Variants in EGR3 observed in about 807,000 individuals in gnomAD.
EGR3 encodes the protein early growth response 3.
In EGR3, 4 loss-of-function variants were observed where a neutral mutation model predicts 22.4. The observed-to-expected ratio is 0.18, with a 90% CI of 0.09 to 0.41. The LOEUF (loss-of-function observed/expected upper bound fraction) is 0.41, where lower values mean the gene tolerates loss of function less well. EGR3 is among the 10% of genes least tolerant of loss of function. The probability of loss-of-function intolerance (pLI) is 1.00; values close to 1 mark genes in which losing one functional copy is unlikely to be tolerated. For missense variants in EGR3, 315 were observed against 541.3 expected, an observed-to-expected ratio of 0.58 and a Z score of 4.15; for synonymous variants, 219 against 226.8, an observed-to-expected ratio of 0.97 and a Z score of 0.31.
Position 22,692,595 on chromosome 8 carries a change from T to G in EGR3, c.154+196A>C. 1.6e-5 allele frequency: 22 copies of G among 1,386,740 alleles called. No homozygotes were observed. The highest frequency in any genetic ancestry group is 5.5e-5 in the East Asian group (2 of 36,482). 85.9% of individuals were successfully genotyped at this position (1,386,740 alleles called of 1,614,324 possible). A position where few individuals can be genotyped will look rare whatever the true frequency, so the allele number is the denominator to read the frequency against. ...TCTCGATCGAGGAGGGCGGGAGGAG[T>G]GGGTGGGAAAAGCAACTCGCCCCCC... On this transcript the variant is annotated intron_variant, in intron 1 of 1. Coordinates refer to ENST00000317216, the MANE Select transcript of EGR3 (RefSeq NM_004430.3). This position sits in a 1 kb window ranked among gnomAD's most constrained non-coding sequence, Gnocchi z 6.2.
Position 22,691,428 on chromosome 8 carries a change from T to A in EGR3, c.209A>T (p.Tyr70Phe), listed in dbSNP as rs575465744. Residue 70 changes from tyrosine to phenylalanine, a missense_variant, in exon 2 of 2, where the codon TAC (tyrosine) becomes TTC (phenylalanine). By Grantham distance (22) the Tyr-to-Phe change is conservative. This residue lies in a region of EGR3 where 227 missense variants were observed against 303.6 expected (regional missense o/e 0.75). Transcript: ENST00000317216. ...TNEKPNPELS[Y>F]SGSFQPAPGN... ...GGGGGCTGGCTGGAAGGAGCCGGAG[T>A]AAGAGAGTTCCGGGTTGGGCTTCTC... 36 of 1,613,766 alleles carry A rather than the reference T, an allele frequency of 2.2e-5. No individual in the cohort carries two copies. In the South Asian group the frequency reaches 3.5e-4, roughly 16 times the overall value.
Position 22,691,162 on chromosome 8 carries a change from A to G in EGR3, c.475T>C (p.Ser159Pro), listed in dbSNP as rs1436728463. The change falls in exon 2 of 2, where the codon TCT (serine) becomes CCT (proline). Residue 159 changes from serine (S) to proline (P), a missense_variant. Around this residue, in one of 4 missense-constraint regions of EGR3, gnomAD observed 227 missense variants for 303.6 expected, o/e 0.75. Transcript: ENST00000317216. ...NCGDLYSEPV[S>P]FHDPQGNPGL... is the part of the protein sequence containing the mutation. Reference sequence around the variant, plus strand: ...GGATTGCCCTGGGGGTCGTGGAAAGACACGGGCTCTGAGTAGAGGTCGCCG... The same window carrying G: ...GGATTGCCCTGGGGGTCGTGGAAAGGCACGGGCTCTGAGTAGAGGTCGCCG... The G allele has an allele frequency of 6.2e-7, 1 of 1,614,088 alleles. No homozygotes were observed. Among genetic ancestry groups the G allele is most frequent in the African/African-American group, 1.3e-5 (1 of 75,034 alleles).
chr8:22,691,528 C>T, intron 1 of EGR3, 46 bp from the exon 2 acceptor site: 1 of 1,591,948 alleles, frequency 6.3e-7, no homozygotes. Context: ...GAAGCCGATC[C>T]GGCTCCGGGC....
chr8:22,691,947 G>T, intron 1 of EGR3: 1 of 1,242,026 alleles, frequency 8.1e-7, no homozygotes, highest in Non-Finnish European at 1.0e-6. Flanking sequence ...CACGCGCGCT[G>T]CTCCCGGGTC....
rs957719038 is a variant in EGR3, at chr8:22,689,054, T to G, written c.*1419A>C. ...GTATATATGTACACTCACATGTATA[T>G]GTACAGATATGTGTGCATCTATATC... On this transcript the variant is annotated 3_prime_UTR_variant, in exon 2 of 2. Coordinates refer to ENST00000317216, the MANE Select transcript of EGR3 (RefSeq NM_004430.3). The G allele has an allele frequency of 6.5e-6, 1 of 152,674 alleles. No individual in the cohort carries two copies. Among genetic ancestry groups the G allele is most frequent in the African/African-American group, 2.4e-5 (1 of 41,462 alleles). 9.5% of individuals were successfully genotyped at this position (152,674 alleles called of 1,614,324 possible). A position where few individuals can be genotyped will look rare whatever the true frequency, so the allele number is the denominator to read the frequency against.
In EGR3 at chr8:22,691,260, G is replaced by A. The variant is rs1304332386; in HGVS notation, c.377C>T (p.Thr126Met). The change falls in exon 2 of 2, where the codon ACG becomes ATG. Residue 126 changes from threonine (T) to methionine (M), a missense_variant. By Grantham distance (81) the Thr-to-Met change is moderately conservative (BLOSUM62 -1). Around this residue, in one of 4 missense-constraint regions of EGR3, gnomAD observed 227 missense variants for 303.6 expected, o/e 0.75. Transcript: ENST00000317216. Reference sequence around the variant, plus strand: ...CTGCGGTGGCTGCACCATGCTGGCCGTGGACGTCTGCGTGCTGAGCGCCCC... The same window carrying A: ...CTGCGGTGGCTGCACCATGCTGGCCATGGACGTCTGCGTGCTGAGCGCCCC... ...ASGALSTQTS[T>M]ASMVQPPQGD... is the part of the protein sequence containing the mutation. 1 of 1,613,874 alleles carries A rather than the reference G, an allele frequency of 6.2e-7. No individual in the cohort carries two copies. Among genetic ancestry groups the A allele is most frequent in the Non-Finnish European group, 8.5e-7 (1 of 1,180,016 alleles).
Position 22,690,554 on chromosome 8 carries a change from C to A in EGR3, c.1083G>T (p.Lys361Asn). 1 of 1,613,868 alleles carries A rather than the reference C, an allele frequency of 6.2e-7. No individual in the cohort carries two copies. Among genetic ancestry groups the A allele is most frequent in the Non-Finnish European group, 8.5e-7 (1 of 1,179,974 alleles). ...HAKIHLKQKE[K>N]KAEKGGAPSA... ...AGGGTGCACCGCCCTTCTCCGCCTT[C>A]TTCTCCTTTTGCTTGAGGTGGATCT... is the stretch of plus-strand genomic sequence containing the variant. The change falls in exon 2 of 2, where the codon AAG becomes AAT. Residue 361 changes from lysine to asparagine, a missense_variant. Transcript: ENST00000317216.
intron 1 of EGR3, chr8:22,691,714 G>A: frequency 1.0e-6 from 1 of 985,216 alleles, no homozygotes; most frequent in Non-Finnish European, 1.2e-6. Flanking sequence ...TGCACACACA[G>A]CGCACAAGCC....
At position 22,692,315 on chromosome 8, in the gene EGR3, G is replaced by A. The variant is rs1318000197; in HGVS notation, c.154+476C>T. ...GCGTCGCAGTACCTCTCCCACCGCG[G>A]GGACTCCACGCCGCACATGGCTCCA... On this transcript the variant is annotated intron_variant, in intron 1 of 1. Transcript: ENST00000317216. The surrounding 1 kb of genome is among the most constrained non-coding windows in gnomAD (Gnocchi z 6.2). The A allele has an allele frequency of 6.6e-7, 1 of 1,517,940 alleles. No homozygotes were observed. The highest frequency in any genetic ancestry group is 8.8e-7 in the Non-Finnish European group (1 of 1,139,174). 94.0% of individuals were successfully genotyped at this position (1,517,940 alleles called of 1,614,324 possible).
In EGR3 at chr8:22,690,336, G is replaced by T; in HGVS notation, c.*137C>A. On this transcript the variant is annotated 3_prime_UTR_variant, in exon 2 of 2. Transcript: ENST00000317216. ...AAGGTTGGGAACCGGGGGCATCGAA[G>T]GGGAAGCAAGGGGCCGCACGTCCAT... The T allele has an allele frequency of 1.4e-6, 1 of 724,554 alleles. No homozygotes were observed. Among genetic ancestry groups the T allele is most frequent in the Non-Finnish European group, 2.2e-6 (1 of 451,858 alleles). The allele number at this position is 724,554 out of a possible 1,614,324, so 44.9% of individuals were successfully genotyped here.
rs1167503528 is a variant in EGR3, at chr8:22,692,930, G to C, written c.15C>G (p.Leu5=). The change falls in exon 1 of 2, where the codon CTC becomes CTG. Residue 5 remains leucine, a synonymous_variant. Coordinates refer to ENST00000317216, the MANE Select transcript of EGR3 (RefSeq NM_004430.3). The surrounding 1 kb of genome is among the most constrained non-coding windows in gnomAD (Gnocchi z 6.2). MTGK[L]AEKLPVTMSS... ...TCATGGTCACCGGCAGCTTCTCGGCGAGTTTGCCGGTCATAGCACTCCCGA... is the reference window on the plus strand; with the variant it reads ...TCATGGTCACCGGCAGCTTCTCGGCCAGTTTGCCGGTCATAGCACTCCCGA... 1.2e-6 allele frequency: 2 copies of C among 1,612,022 alleles called. No homozygotes were observed. The highest frequency in any genetic ancestry group is 1.7e-6 in the Non-Finnish European group (2 of 1,179,618).
chr8:22,692,510 C>A lies in EGR3; in HGVS notation c.154+281G>T, dbSNP rs1441358226. ...CCGCTCGCACCTACCTCCCTCCGGT[C>A]GGCGGCTGCCCCCACCCGGGAGAAC... On this transcript the variant is annotated intron_variant, in intron 1 of 1. Transcript: ENST00000317216. The surrounding 1 kb of genome is among the most constrained non-coding windows in gnomAD (Gnocchi z 6.2). The A allele has an allele frequency of 1.4e-6, 2 of 1,400,570 alleles. No individual in the cohort carries two copies. The highest frequency in any genetic ancestry group is 9.3e-7 in the Non-Finnish European group (1 of 1,080,020). The allele number at this position is 1,400,570 out of a possible 1,614,324, so 86.8% of individuals were successfully genotyped here. A position where few individuals can be genotyped will look rare whatever the true frequency, so the allele number is the denominator to read the frequency against.
Position 22,689,130 on chromosome 8 carries a change from A to C in EGR3, c.*1343T>G, listed in dbSNP as rs1387037314. Reference sequence around the variant, plus strand: ...TATAATCTCATCAGTTAACATTTTCATAAAAAATAAATCATTTAAAGCTGT... The same window carrying C: ...TATAATCTCATCAGTTAACATTTTCCTAAAAAATAAATCATTTAAAGCTGT... On this transcript the variant is annotated 3_prime_UTR_variant, in exon 2 of 2. Transcript: ENST00000317216. 6.5e-6 allele frequency: 1 copy of C among 152,684 alleles called. No individual in the cohort carries two copies. The highest frequency in any genetic ancestry group is 1.5e-5 in the Non-Finnish European group (1 of 68,048). The allele number at this position is 152,684 out of a possible 1,614,324, so 9.5% of individuals were successfully genotyped here. A position where few individuals can be genotyped will look rare whatever the true frequency, so the allele number is the denominator to read the frequency against.
At position 22,692,162 on chromosome 8, in the gene EGR3, C is replaced by G. The variant is rs1312462487; in HGVS notation, c.154+629G>C. The G allele has an allele frequency of 7.3e-7, 1 of 1,373,216 alleles. No individual in the cohort carries two copies. The highest frequency in any genetic ancestry group is 9.4e-7 in the Non-Finnish European group (1 of 1,067,652). The allele number at this position is 1,373,216 out of a possible 1,614,324, so 85.1% of individuals were successfully genotyped here. On this transcript the variant is annotated intron_variant, in intron 1 of 1. Transcript: ENST00000317216. This position sits in a 1 kb window ranked among gnomAD's most constrained non-coding sequence, Gnocchi z 6.2. ...GCCGGTGTCTCCATGGCGGGAGAGG[C>G]CGCCCTTCCCCAGCTCCCCGGCCCC...
Position 22,692,578 on chromosome 8 carries a change from G to C in EGR3, c.154+213C>G. Reference sequence around the variant, plus strand: ...CGTCGCCAACCTAGCCTTCTCGATCGAGGAGGGCGGGAGGAGTGGGTGGGA... The same window carrying C: ...CGTCGCCAACCTAGCCTTCTCGATCCAGGAGGGCGGGAGGAGTGGGTGGGA... On this transcript the variant is annotated intron_variant, in intron 1 of 1. Coordinates refer to ENST00000317216, the MANE Select transcript of EGR3 (RefSeq NM_004430.3). The surrounding 1 kb of genome is among the most constrained non-coding windows in gnomAD (Gnocchi z 6.2). 8.4e-6 allele frequency: 12 copies of C among 1,435,542 alleles called. No individual in the cohort carries two copies. Among genetic ancestry groups the C allele is most frequent in the Non-Finnish European group, 1.1e-5 (12 of 1,097,240 alleles). 88.9% of individuals were successfully genotyped at this position (1,435,542 alleles called of 1,614,324 possible).
In EGR3 at chr8:22,690,429, G is replaced by A. The variant is rs772657378; in HGVS notation, c.*44C>T. 10 of 1,512,878 alleles carry A rather than the reference G, an allele frequency of 6.6e-6. No homozygotes were observed. The highest frequency in any genetic ancestry group is 1.4e-5 in the African/African-American group (1 of 72,786). The allele number at this position is 1,512,878 out of a possible 1,614,324, so 93.7% of individuals were successfully genotyped here. On this transcript the variant is annotated 3_prime_UTR_variant, in exon 2 of 2. Transcript: ENST00000317216. ...TCCCGCTGCTTTCAGGCTAGCAGCC[G>A]GGAGGCACTGGAGGGGAAAAGTGGG...
chr8:22,690,498 G>T lies in EGR3; in HGVS notation c.1139C>A (p.Ala380Asp). The T allele has an allele frequency of 6.2e-7, 1 of 1,608,254 alleles. No homozygotes were observed. Among genetic ancestry groups the T allele is most frequent in the Non-Finnish European group, 8.5e-7 (1 of 1,176,922 alleles). Reference sequence around the variant, plus strand: ...TCAGGCGCAGGTGGTGACCACGGGGGCCAGCGACACGGGGGGCGCCGAGGA... The same window carrying T: ...TCAGGCGCAGGTGGTGACCACGGGGTCCAGCGACACGGGGGGCGCCGAGGA... ...SASSAPPVSL[A>D]PVVTTCA Residue 380 changes from alanine to aspartate, a missense_variant, in exon 2 of 2, where the codon GCC becomes GAC. Transcript: ENST00000317216.
At position 22,690,109 on chromosome 8, in the gene EGR3, T is replaced by G; in HGVS notation, c.*364A>C. On this transcript the variant is annotated 3_prime_UTR_variant, in exon 2 of 2. Transcript: ENST00000317216. ...GAGACGTGGGGGAAACAATGAGGTG[T>G]TTGGGTCGGGCGAGGGTTGGATGGG... The G allele has an allele frequency of 7.1e-6, 2 of 281,554 alleles. No homozygotes were observed. The highest frequency in any genetic ancestry group is 6.5e-5 in the East Asian group (1 of 15,344). 17.4% of individuals were successfully genotyped at this position (281,554 alleles called of 1,614,324 possible).
Position 22,692,447 on chromosome 8 carries a change from C to T in EGR3, c.154+344G>A. 1 of 1,422,104 alleles carries T rather than the reference C, an allele frequency of 7.0e-7. No individual in the cohort carries two copies. Among genetic ancestry groups the T allele is most frequent in the Non-Finnish European group, 9.1e-7 (1 of 1,092,898 alleles). The allele number at this position is 1,422,104 out of a possible 1,614,324, so 88.1% of individuals were successfully genotyped here. On this transcript the variant is annotated intron_variant, in intron 1 of 1. Transcript: ENST00000317216. The surrounding 1 kb of genome is among the most constrained non-coding windows in gnomAD (Gnocchi z 6.2). ...GCACCACGCCTTGCGCGTAGCCCGG[C>T]GATCGGGCCCCCTGCGTGGTGAGGG...
Sources: gnomAD v4.1 joint callset for allele counts on GRCh38, gnomAD v4.1.1 for gene constraint, gnomAD v4.1.1 regional missense constraint, Gnocchi (gnomAD v3.1) non-coding constraint, MANE v1.5 for transcripts, NCBI Gene and HGNC (gene_info 2026-07-23, HGNC 2026-07-21) for gene names.